RASEF: variants seen among roughly 807,000 people sequenced by gnomAD.
The protein encoded by RASEF is ras and EF-hand domain-containing protein.
RASEF carries 68 observed loss-of-function variants against 90.1 expected under a neutral mutation model. The observed-to-expected ratio is 0.75, with a 90% CI of 0.62 to 0.92. RASEF has a LOEUF of 0.92. Ranked by LOEUF, RASEF falls within the 40% of genes least tolerant of loss-of-function variation. The probability of loss-of-function intolerance (pLI) is 0.00; values close to 1 mark genes in which losing one functional copy is unlikely to be tolerated. For synonymous variants in RASEF, 331 were observed against 345.2 expected (o/e 0.96, Z 0.46); for missense variants, 949 against 937.2 (o/e 1.01, Z -0.16).
At chr9:83,021,016 T>C (rs1338962579) in intron 3 of RASEF, among the ~76,000 whole-genome samples, 7 of 152,168 alleles carry the variant, frequency 4.6e-5, no homozygotes, top group Non-Finnish European at 7.3e-5. Context: ...TATTAAACTT[T>C]TTATAAGAAG....
chr9:82,998,552 C>T (rs182246807), intron 12 of RASEF, 106 bp from the exon 13 acceptor site: 220 of 722,350 alleles, frequency 3.0e-4, no homozygotes, highest in African/African-American at 2.4e-3. Context: ...CACAGCTCAG[C>T]CAGGGAGGGA....
At chr9:83,084,092 A>G in the RASEF span, among the ~76,000 whole-genome samples, 1 of 152,160 alleles carries the variant, frequency 6.6e-6, no homozygotes, top group Non-Finnish European at 1.5e-5. Flanking sequence ...AGAACGTGGT[A>G]TAAGTTTAGA....
chr9:83,062,969 G>T lies in RASEF; in HGVS notation c.-102C>A. 1 of 1,248,626 alleles carries T rather than the reference G, an allele frequency of 8.0e-7. No homozygotes were observed. The highest frequency in any genetic ancestry group is 1.0e-6 in the Non-Finnish European group (1 of 963,452). The allele number at this position is 1,248,626 out of a possible 1,614,324, so 77.3% of individuals were successfully genotyped here. On this transcript the variant is annotated 5_prime_UTR_variant, in exon 1 of 17. Transcript: ENST00000376447. ...CTGCTGCCGCCGGGAGGCCCGGCGA[G>T]TTTGGCTCGTCCGGCTGGTTCGGCC...
At chr9:83,117,841 G>C in the RASEF span, among the ~76,000 whole-genome samples, 1 of 152,170 alleles carries the variant, frequency 6.6e-6, no homozygotes, top group Non-Finnish European at 1.5e-5. Flanking sequence ...AATCATGTTG[G>C]GGAAAGTCTG....
the RASEF span, among the ~76,000 whole-genome samples, chr9:83,158,222 AT>A: frequency 6.6e-6 from 1 of 152,258 alleles, no homozygotes; most frequent in African/African-American, 2.4e-5. Flanking sequence ...CATCCAATTA[AT>A]TGAATTAAAG....
the RASEF span, among the ~76,000 whole-genome samples, chr9:83,178,845 C>T: frequency 6.6e-6 from 1 of 152,114 alleles, no homozygotes; most frequent in Non-Finnish European, 1.5e-5. Flanking sequence ...CCACAATGCC[C>T]CTGCCTAGTT....
intron 1 of RASEF, among the ~76,000 whole-genome samples, chr9:83,036,880 GTTTT>G (rs1186747714): frequency 6.6e-6 from 1 of 151,662 alleles, no homozygotes; most frequent in Admixed American, 6.6e-5. Flanking sequence ...TACCATCTTC[GTTTT>G]TTTGTTTTTG....
chr9:83,055,468 C>T (rs975427775), intron 1 of RASEF: 29 of 662,392 alleles, frequency 4.4e-5, no homozygotes, highest in Non-Finnish European at 6.6e-5. Context: ...GAGATGAACC[C>T]GGTACCTCAG....
chr9:83,215,080 C>T, the RASEF span, among the ~76,000 whole-genome samples: 2 of 151,664 alleles, frequency 1.3e-5, no homozygotes, highest in East Asian at 4.0e-4. Flanking sequence ...AGAGGAACGT[C>T]TGAACACCAA....
chr9:83,020,505 G>T (rs368222288), intron 3 of RASEF, among the ~76,000 whole-genome samples: 1 of 152,180 alleles, frequency 6.6e-6, no homozygotes, highest in Non-Finnish European at 1.5e-5. Flanking sequence ...AAGTTTCCTC[G>T]CAGTGCCAAA....
chr9:83,131,088 G>T, the RASEF span, among the ~76,000 whole-genome samples: 2 of 152,102 alleles, frequency 1.3e-5, no homozygotes, highest in Non-Finnish European at 2.9e-5. Context: ...GTCAGACAAC[G>T]TGATCTCCTG....
the RASEF span, among the ~76,000 whole-genome samples, chr9:83,174,326 C>A: frequency 6.6e-6 from 1 of 151,960 alleles, no homozygotes; most frequent in Non-Finnish European, 1.5e-5. Context: ...TTGAGTTAAT[C>A]ATATATGATA....
the RASEF span, among the ~76,000 whole-genome samples, chr9:83,146,337 T>C: frequency 6.7e-6 from 1 of 149,488 alleles, no homozygotes; most frequent in Non-Finnish European, 1.5e-5. Flanking sequence ...TGATTCTTAA[T>C]TAAACTTTTA....
At chr9:83,078,751 G>A in the RASEF span, among the ~76,000 whole-genome samples, 2 of 151,790 alleles carry the variant, frequency 1.3e-5, no homozygotes, top group Non-Finnish European at 2.9e-5. Context: ...ATAGTACTAG[G>A]AGTTTCCCAG....
chr9:83,070,339 G>A, the RASEF span, among the ~76,000 whole-genome samples: 1 of 152,006 alleles, frequency 6.6e-6, no homozygotes, highest in African/African-American at 2.4e-5. Context: ...ACTTTTCTCT[G>A]TATGGATATT....
chr9:83,056,048 G>A (rs1475663975), intron 1 of RASEF, among the ~76,000 whole-genome samples: 1 of 152,106 alleles, frequency 6.6e-6, no homozygotes, highest in African/African-American at 2.4e-5. Flanking sequence ...GTCAATATTG[G>A]GTGAACTAGA....
At chr9:83,135,348 G>C in the RASEF span, among the ~76,000 whole-genome samples, 1 of 152,004 alleles carries the variant, frequency 6.6e-6, no homozygotes, top group African/African-American at 2.4e-5. Flanking sequence ...GGCCTGTCGT[G>C]GGGTGGGGGG....
chr9:83,015,233 G>T (rs1025461753), intron 4 of RASEF, among the ~76,000 whole-genome samples: 2 of 152,220 alleles, frequency 1.3e-5, no homozygotes, highest in African/African-American at 4.8e-5. Flanking sequence ...CAGTCTACCA[G>T]ACACAAGGGA....
In RASEF at chr9:83,062,803, G is replaced by T. The variant is rs760201196; in HGVS notation, c.65C>A (p.Ala22Glu). Reference sequence around the variant, plus strand: ...GCGCTCCAGGCGCCCCGAGCGGTTCGCGTCGCAGGCGGCGAAGACTGAGCG... The same window carrying T: ...GCGCTCCAGGCGCCCCGAGCGGTTCTCGTCGCAGGCGGCGAAGACTGAGCG... ...RLRSVFAACD[A>E]NRSGRLEREE... is the part of the protein sequence containing the mutation. Residue 22 changes from alanine (A) to glutamate (E), a missense_variant, in exon 1 of 17, where the codon GCG (alanine) becomes GAG (glutamate). Ala to Glu is a moderately radical substitution (Grantham distance 107). This residue lies in a region of RASEF where 656 missense variants were observed against 592.2 expected (regional missense o/e 1.11). Coordinates refer to ENST00000376447, the MANE Select transcript of RASEF (RefSeq NM_152573.4). 1 of 1,556,352 alleles carries T rather than the reference G, an allele frequency of 6.4e-7. No individual in the cohort carries two copies. The highest frequency in any genetic ancestry group is 8.6e-7 in the Non-Finnish European group (1 of 1,161,426).
Sources: allele counts gnomAD v4.1 joint callset (sites outside exome capture counted in the v4.1 genomes callset), GRCh38; gene constraint gnomAD v4.1.1; regional missense constraint gnomAD v4.1.1; transcripts MANE v1.5; gene names NCBI Gene and HGNC (gene_info 2026-07-23, HGNC 2026-07-21).